Variants in ANO10 observed in about 807,000 individuals in gnomAD.
The protein encoded by ANO10 is anoctamin 10, also known as anoctamin-10.
ANO10 carries 77 observed loss-of-function variants against 74.7 expected under a neutral mutation model. The ratio of observed to expected loss-of-function variants is 1.03; its 90% CI spans 0.86 to 1.25. The LOEUF is 1.25. Ranked by LOEUF, ANO10 falls within the 50% of genes most tolerant of loss-of-function variation. The pLI is 0.00. For missense variants in ANO10, 721 were observed against 778.1 expected (o/e 0.93, Z 0.87); for synonymous variants, 279 against 284.9 (o/e 0.98, Z 0.21).
chr3:43,616,029 T>C (rs902839926), intron 1 of ANO10, among the ~76,000 whole-genome samples: 2 of 152,160 alleles, frequency 1.3e-5, no homozygotes, highest in East Asian at 1.9e-4. Flanking sequence ...GCCAACCTTA[T>C]ATAAAAGCTA....
intron 1 of ANO10, among the ~76,000 whole-genome samples, chr3:43,674,280 T>C (rs750208618): frequency 1.3e-5 from 2 of 152,206 alleles, no homozygotes; most frequent in East Asian, 3.9e-4. Flanking sequence ...GCTGGGACTA[T>C]AGGCATGCAT....
Position 43,565,714 on chromosome 3 carries a change from T to A in ANO10, c.1232A>T (p.Asn411Ile). The A allele has an allele frequency of 6.5e-7, 1 of 1,549,744 alleles. No homozygotes were observed. The highest frequency in any genetic ancestry group is 1.2e-5 in the South Asian group (1 of 83,082). The change falls in exon 8 of 13, where the codon AAT becomes ATT. Residue 411 changes from asparagine to isoleucine, a missense_variant. Asn to Ile is a moderately radical substitution (Grantham distance 149). Coordinates refer to ENST00000292246, the MANE Select transcript of ANO10 (RefSeq NM_018075.5). ...AATATAGAAGAGTGAGGCAAAGCAATTGAGGAAGTTGAACTGCCAAAAAAA... is the reference window on the plus strand; with the variant it reads ...AATATAGAAGAGTGAGGCAAAGCAAATGAGGAAGTTGAACTGCCAAAAAAA... ...ILKVLVFNFL[N>I]CFASLFYIAF...
At chr3:43,372,559 C>T (rs1271230975) in intron 12 of ANO10, among the ~76,000 whole-genome samples, 1 of 152,248 alleles carries the variant, frequency 6.6e-6, no homozygotes, top group Admixed American at 6.5e-5. Flanking sequence ...GCTTTGCTGG[C>T]AACTCCTTTC....
chr3:43,451,948 G>A (rs2074896366), intron 11 of ANO10, among the ~76,000 whole-genome samples: 1 of 152,058 alleles, frequency 6.6e-6, no homozygotes, highest in South Asian at 2.1e-4. Context: ...AACTGTATGA[G>A]GCAGTTTGGC....
At chr3:43,460,086 G>A (rs2075312539) in intron 11 of ANO10, among the ~76,000 whole-genome samples, 2 of 152,176 alleles carry the variant, frequency 1.3e-5, no homozygotes, top group Non-Finnish European at 2.9e-5. Flanking sequence ...ATAATAATGA[G>A]GGAAATGGGA....
At chr3:43,470,478 T>C (rs942665104) in intron 11 of ANO10, among the ~76,000 whole-genome samples, 8 of 152,136 alleles carry the variant, frequency 5.3e-5, no homozygotes, top group African/African-American at 1.9e-4. Context: ...CTCAGCCTCC[T>C]GAGTAGCTGG....
At chr3:43,584,969 A>G (rs982224103) in intron 4 of ANO10, among the ~76,000 whole-genome samples, 2 of 152,166 alleles carry the variant, frequency 1.3e-5, no homozygotes, top group Non-Finnish European at 2.9e-5. Context: ...CCAGGGGAGC[A>G]GCTGCCTTCA....
intron 11 of ANO10, among the ~76,000 whole-genome samples, chr3:43,527,255 C>T (rs1390670464): frequency 6.6e-6 from 1 of 151,972 alleles, no homozygotes; most frequent in Admixed American, 6.6e-5. Flanking sequence ...CCAGCATGCT[C>T]CTTACAGATG....
intron 11 of ANO10, among the ~76,000 whole-genome samples, chr3:43,528,018 A>G (rs1483359763): frequency 3.3e-5 from 5 of 152,126 alleles, no homozygotes. Context: ...ACAGTCCTAA[A>G]GACACAAGAA....
intron 11 of ANO10, among the ~76,000 whole-genome samples, chr3:43,539,059 C>T (rs1031114690): frequency 3.3e-5 from 5 of 152,062 alleles, no homozygotes; most frequent in African/African-American, 1.2e-4. Context: ...TAGAGCCCTC[C>T]ATCAGTTTCC....
chr3:43,526,960 T>C (rs987946679), intron 11 of ANO10, among the ~76,000 whole-genome samples: 2 of 152,082 alleles, frequency 1.3e-5, no homozygotes, highest in Non-Finnish European at 2.9e-5. Context: ...TATGTGTGTG[T>C]ATACATATAT....
intron 1 of ANO10, among the ~76,000 whole-genome samples, chr3:43,645,834 G>A (rs1238365060): frequency 6.6e-6 from 1 of 151,914 alleles, no homozygotes; most frequent in African/African-American, 2.4e-5. Context: ...ATTTTTTTGA[G>A]ATGGGGTCTG....
chr3:43,619,988 T>C (rs1486724910), intron 1 of ANO10, among the ~76,000 whole-genome samples: 1 of 152,128 alleles, frequency 6.6e-6, no homozygotes, highest in Non-Finnish European at 1.5e-5. Flanking sequence ...ACATGAGATT[T>C]ATTGTGAGCT....
At chr3:43,646,594 C>T (rs992594237) in intron 1 of ANO10, among the ~76,000 whole-genome samples, 3 of 152,150 alleles carry the variant, frequency 2.0e-5, no homozygotes, top group Non-Finnish European at 2.9e-5. Context: ...TGCAGTGGTG[C>T]AATCCTGACT....
chr3:43,405,243 C>T (rs1373301333), intron 12 of ANO10, among the ~76,000 whole-genome samples: 1 of 152,174 alleles, frequency 6.6e-6, no homozygotes, highest in Non-Finnish European at 1.5e-5. Context: ...ACTGTAAACA[C>T]CTGAGTCCCA....
chr3:43,485,358 C>T (rs967280692), intron 11 of ANO10: 4 of 472,058 alleles, frequency 8.5e-6, no homozygotes, highest in African/African-American at 2.0e-5. Flanking sequence ...TCCAGGGAGG[C>T]GCCCATTGCC....
At chr3:43,440,815 G>A (rs1226927354) in intron 11 of ANO10, among the ~76,000 whole-genome samples, 2 of 151,976 alleles carry the variant, frequency 1.3e-5, no homozygotes, top group South Asian at 2.1e-4. Context: ...AAAACAAGCC[G>A]TAACAAATTC....
chr3:43,441,527 A>C (rs955348229), intron 11 of ANO10, among the ~76,000 whole-genome samples: 2 of 152,076 alleles, frequency 1.3e-5, no homozygotes, highest in Non-Finnish European at 2.9e-5. Context: ...AAAACCTACC[A>C]ACAAAGAAAA....
intron 1 of ANO10, among the ~76,000 whole-genome samples, chr3:43,673,169 A>G (rs746149067): frequency 6.6e-6 from 1 of 152,222 alleles, no homozygotes; most frequent in Non-Finnish European, 1.5e-5. Flanking sequence ...TGCAGAGCTA[A>G]GGCTAAATAA....
Sources: allele counts gnomAD v4.1 joint callset (sites outside exome capture counted in the v4.1 genomes callset), GRCh38; gene constraint gnomAD v4.1.1; transcripts MANE v1.5; gene names NCBI Gene and HGNC (gene_info 2026-07-23, HGNC 2026-07-21).